Variants in TEAD1 observed in about 807,000 individuals in gnomAD.
The protein encoded by TEAD1 is TEA domain transcription factor 1.
A neutral mutation model predicts 54.9 loss-of-function variants in TEAD1; 9 were observed. The observed-to-expected ratio is 0.16, with a 90% CI of 0.10 to 0.29. The LOEUF is 0.29. Ranked by LOEUF, TEAD1 falls within the 10% of genes least tolerant of loss-of-function variation. The pLI, the probability that TEAD1 is intolerant of heterozygous loss-of-function variation, is 1.00. For synonymous variants in TEAD1, 200 were observed against 187.8 expected, an observed-to-expected ratio of 1.07 and a Z score of -0.53; for missense variants, 387 against 535.9, an observed-to-expected ratio of 0.72 and a Z score of 2.74.
chr11:12,756,253 T>C (rs1944982353), intron 2 of TEAD1, among the ~76,000 whole-genome samples: 1 of 152,214 alleles, frequency 6.6e-6, no homozygotes, highest in South Asian at 2.1e-4. Flanking sequence ...GGGAACCTGT[T>C]GGCATTGGCA....
At chr11:12,909,585 T>A (rs1309626014) in intron 10 of TEAD1, among the ~76,000 whole-genome samples, 1 of 152,098 alleles carries the variant, frequency 6.6e-6, no homozygotes, top group African/African-American at 2.4e-5. Flanking sequence ...CAGACCACCA[T>A]GGCACACGTA....
chr11:12,734,758 G>T (rs765583800), intron 2 of TEAD1, among the ~76,000 whole-genome samples: 1 of 152,150 alleles, frequency 6.6e-6, no homozygotes, highest in Non-Finnish European at 1.5e-5. Context: ...GTACCAAATA[G>T]CCTAGATGTG....
intron 3 of TEAD1, among the ~76,000 whole-genome samples, chr11:12,790,871 A>AG (rs1945787238): frequency 6.6e-6 from 1 of 152,136 alleles, no homozygotes; most frequent in African/African-American, 2.4e-5. Context: ...AGTGTTGGTG[A>AG]GGGGGGTGAA....
At chr11:12,785,003 C>T (rs1021556204) in intron 3 of TEAD1, among the ~76,000 whole-genome samples, 8 of 152,244 alleles carry the variant, frequency 5.3e-5, no homozygotes, top group African/African-American at 1.9e-4. Context: ...TGGAGAAAAC[C>T]CAGAGATGGT....
chr11:12,675,756 A>G (rs1326935943), intron 2 of TEAD1, among the ~76,000 whole-genome samples, 195 bp downstream of exon 2: 1 of 152,274 alleles, frequency 6.6e-6, no homozygotes, highest in Non-Finnish European at 1.5e-5. Flanking sequence ...ATTTTTAAAA[A>G]ATCAAAGCAA....
At chr11:12,832,133 C>T (rs1946797063) in intron 3 of TEAD1, among the ~76,000 whole-genome samples, 1 of 152,062 alleles carries the variant, frequency 6.6e-6, no homozygotes. Context: ...TTACTATGTA[C>T]ACACAAAATA....
At chr11:12,862,206 G>C in intron 3 of TEAD1, 44 bp from the exon 4 acceptor site, 1 of 1,530,844 alleles carries the variant, frequency 6.5e-7, no homozygotes, top group Middle Eastern at 1.7e-4. Context: ...TGTTGGTTTG[G>C]TGTTTTGGTA....
chr11:12,844,536 G>C (rs2134039619), intron 3 of TEAD1, among the ~76,000 whole-genome samples: 1 of 152,314 alleles, frequency 6.6e-6, no homozygotes. Context: ...GGGGGCAGGG[G>C]TGGGGAAGGT....
At chr11:12,929,233 TG>T (rs1256466873) in intron 11 of TEAD1, among the ~76,000 whole-genome samples, 3 of 150,660 alleles carry the variant, frequency 2.0e-5, no homozygotes, top group African/African-American at 7.3e-5. Flanking sequence ...TAATCTCTTA[TG>T]TATCTTCTAA....
chr11:12,730,592 G>C (rs867620641), intron 2 of TEAD1, among the ~76,000 whole-genome samples: 47 of 151,712 alleles, frequency 3.1e-4, no homozygotes, highest in African/African-American at 1.1e-3. Flanking sequence ...GAAGGAATTG[G>C]AGTATATAGA....
At chr11:12,730,955 G>A (rs1357587111) in intron 2 of TEAD1, among the ~76,000 whole-genome samples, 1 of 152,040 alleles carries the variant, frequency 6.6e-6, no homozygotes, top group Non-Finnish European at 1.5e-5. Flanking sequence ...GCCCGCCTCG[G>A]CCTCTCAAAG....
At chr11:12,677,733 C>A (rs1044238826) in intron 2 of TEAD1, among the ~76,000 whole-genome samples, 1 of 152,108 alleles carries the variant, frequency 6.6e-6, no homozygotes, top group Admixed American at 6.5e-5. Flanking sequence ...GCATGTAGAT[C>A]CCAAATATTA....
At chr11:12,840,124 G>C (rs1483771273) in intron 3 of TEAD1, among the ~76,000 whole-genome samples, 1 of 151,830 alleles carries the variant, frequency 6.6e-6, no homozygotes, top group African/African-American at 2.4e-5. Flanking sequence ...GCGGGCGCCT[G>C]TAGTCCCAGC....
chr11:12,762,880 G>A (rs1012717514), intron 2 of TEAD1, among the ~76,000 whole-genome samples: 1 of 152,114 alleles, frequency 6.6e-6, no homozygotes, highest in African/African-American at 2.4e-5. Context: ...CCTGGTGCCA[G>A]GTGTGGCCAC....
At chr11:12,806,834 G>C (rs1946182401) in intron 3 of TEAD1, among the ~76,000 whole-genome samples, 2 of 152,164 alleles carry the variant, frequency 1.3e-5, no homozygotes, top group Non-Finnish European at 2.9e-5. Flanking sequence ...TCTCATACTT[G>C]AAATCCCTGC....
At chr11:12,771,268 T>C (rs371401751) in intron 3 of TEAD1, among the ~76,000 whole-genome samples, 78 of 152,268 alleles carry the variant, frequency 5.1e-4, no homozygotes, top group African/African-American at 1.8e-3. Flanking sequence ...GCACTCATCC[T>C]GGGGGCAGAC....
intron 11 of TEAD1, among the ~76,000 whole-genome samples, chr11:12,926,359 A>C (rs1160426740): frequency 1.3e-5 from 2 of 152,176 alleles, no homozygotes; most frequent in Non-Finnish European, 2.9e-5. Context: ...GAGTTGACTC[A>C]GATGGACAAT....
intron 6 of TEAD1, among the ~76,000 whole-genome samples, chr11:12,880,459 G>A (rs190012268): frequency 5.9e-5 from 9 of 152,124 alleles, no homozygotes; most frequent in Admixed American, 2.0e-4. Context: ...CAGCCCCAGG[G>A]TTGCTTGACT....
intron 3 of TEAD1, among the ~76,000 whole-genome samples, chr11:12,838,737 A>C (rs1026116984): frequency 1.3e-5 from 2 of 152,226 alleles, no homozygotes; most frequent in South Asian, 2.1e-4. Context: ...TTGTTAGATG[A>C]AATTGTCTCT....
Sources: allele counts gnomAD v4.1 joint callset (sites outside exome capture counted in the v4.1 genomes callset), GRCh38; gene constraint gnomAD v4.1.1; transcripts MANE v1.5; gene names NCBI Gene and HGNC (gene_info 2026-07-23, HGNC 2026-07-21).